Variants in LRCH1 observed in about 807,000 individuals in gnomAD.
The protein encoded by LRCH1 is leucine-rich repeat and calponin homology domain-containing protein 1.
LRCH1 carries 23 observed loss-of-function variants against 94.9 expected under a neutral mutation model. That is an observed-to-expected ratio of 0.24 (90% CI 0.17 to 0.34). The LOEUF is 0.34. LRCH1 is among the 10% of genes least tolerant of loss of function. LRCH1 has a pLI of 1.00. For missense variants in LRCH1, 790 were observed against 945.9 expected (o/e 0.84, Z 2.16); for synonymous variants, 364 against 354.9 (o/e 1.03, Z -0.29).
intron 1 of LRCH1, among the ~76,000 whole-genome samples, chr13:46,563,325 C>T (rs950197663): frequency 6.6e-6 from 1 of 151,972 alleles, no homozygotes. Flanking sequence ...AGCCTTTCAG[C>T]CCTTAGCCAA....
chr13:46,612,689 TTTA>T (rs1330415581), intron 1 of LRCH1, among the ~76,000 whole-genome samples: 2 of 152,210 alleles, frequency 1.3e-5, no homozygotes, highest in African/African-American at 2.4e-5. Context: ...AATGAGTTTG[TTTA>T]TGAGTTTTCA....
chr13:46,705,425 A>T (rs753688105), intron 13 of LRCH1, 121 bp downstream of exon 13: 1 of 920,688 alleles, frequency 1.1e-6, no homozygotes, highest in African/African-American at 1.6e-5. Flanking sequence ...GCCAATATTC[A>T]GATTTGTTCA....
chr13:46,588,419 ACTTT>A (rs1463972634), intron 1 of LRCH1, among the ~76,000 whole-genome samples: 4 of 152,122 alleles, frequency 2.6e-5, no homozygotes, highest in African/African-American at 9.6e-5. Context: ...AGATGTACTT[ACTTT>A]CTTTTTATAT....
chr13:46,694,567 T>C (rs947744824), intron 8 of LRCH1, among the ~76,000 whole-genome samples: 6 of 152,344 alleles, frequency 3.9e-5, no homozygotes, highest in Admixed American at 6.5e-5. Flanking sequence ...ATGAAATACA[T>C]AGTAACATAT....
chr13:46,752,459 T>C (rs1874180822), exon 19 of LRCH1: 1 of 152,226 alleles, frequency 6.6e-6, no homozygotes, highest in South Asian at 2.1e-4. Flanking sequence ...AAAACGGAAA[T>C]TTGGATTGGC....
At position 46,595,112 on chromosome 13, in the gene LRCH1, A is replaced by C. The variant is rs539881969; in HGVS notation, c.307+41409A>C. 4.6e-5 allele frequency among the ~76,000 whole-genome samples: 7 copies of C among 152,300 alleles called. No homozygotes were observed. The East Asian group carries it at 1.3e-3, about 29-fold the overall frequency. ...TTTTTGCCCTGGTCACTTTAGGTTTAATTTTATTCCATTCCTGGTCATTTA... is the reference window on the plus strand; with the variant it reads ...TTTTTGCCCTGGTCACTTTAGGTTTCATTTTATTCCATTCCTGGTCATTTA... On this transcript the variant is annotated intron_variant, in intron 1 of 19. Transcript: ENST00000389797.
intron 1 of LRCH1, among the ~76,000 whole-genome samples, chr13:46,607,356 G>A (rs1178980585): frequency 1.3e-5 from 2 of 152,226 alleles, no homozygotes; most frequent in South Asian, 2.1e-4. Flanking sequence ...TGTGAGTACT[G>A]TCAAAGAGAG....
At chr13:46,664,803 GTC>G (rs2051494701) in intron 2 of LRCH1, among the ~76,000 whole-genome samples, 1 of 152,078 alleles carries the variant, frequency 6.6e-6, no homozygotes, top group Admixed American at 6.6e-5. Flanking sequence ...AGGTCTTATT[GTC>G]TCTGTTTTAT....
chr13:46,585,402 C>G (rs981153966), intron 1 of LRCH1, among the ~76,000 whole-genome samples: 1 of 151,974 alleles, frequency 6.6e-6, no homozygotes, highest in African/African-American at 2.4e-5. Flanking sequence ...ACGGTGAAAC[C>G]ACGTCTCTAC....
chr13:46,628,675 A>AAG (rs1555275121), intron 1 of LRCH1, among the ~76,000 whole-genome samples: 3 of 151,698 alleles, frequency 2.0e-5, no homozygotes, highest in Non-Finnish European at 4.4e-5. Flanking sequence ...AAAAAAAAAA[A>AAG]AAAACACAAG....
chr13:46,655,286 A>C (rs1005834735), intron 2 of LRCH1, among the ~76,000 whole-genome samples: 23 of 152,258 alleles, frequency 1.5e-4, no homozygotes, highest in African/African-American at 5.5e-4. Flanking sequence ...AGATAAATTT[A>C]ATTAGCACAT....
intron 3 of LRCH1, among the ~76,000 whole-genome samples, chr13:46,680,740 G>A (rs1462307096): frequency 1.3e-5 from 2 of 152,210 alleles, no homozygotes; most frequent in African/African-American, 4.8e-5. Context: ...ATAGATACTG[G>A]CCTTACTGCC....
chr13:46,647,192 G>T (rs572805625), intron 1 of LRCH1, among the ~76,000 whole-genome samples: 1 of 151,724 alleles, frequency 6.6e-6, no homozygotes, highest in South Asian at 2.1e-4. Flanking sequence ...GAGAAAGACT[G>T]CTAGGTTAAA....
intron 1 of LRCH1, among the ~76,000 whole-genome samples, chr13:46,561,262 T>A (rs1166080183): frequency 6.6e-6 from 1 of 152,108 alleles, no homozygotes; most frequent in Non-Finnish European, 1.5e-5. Context: ...CGGGGACAGG[T>A]TATTTGATTT....
At chr13:46,589,459 C>T (rs947980832) in intron 1 of LRCH1, among the ~76,000 whole-genome samples, 1 of 152,064 alleles carries the variant, frequency 6.6e-6, no homozygotes, top group Admixed American at 6.5e-5. Flanking sequence ...TTAAATTTAT[C>T]TAGTTGTCTC....
intron 4 of LRCH1, among the ~76,000 whole-genome samples, chr13:46,684,639 T>TA (rs1870512535): frequency 6.6e-6 from 1 of 152,214 alleles, no homozygotes; most frequent in South Asian, 2.1e-4. Context: ...TCATAATTCT[T>TA]ATCATCTTAC....
chr13:46,581,344 G>C (rs2050362729), intron 1 of LRCH1, among the ~76,000 whole-genome samples: 1 of 152,182 alleles, frequency 6.6e-6, no homozygotes, highest in East Asian at 1.9e-4. Flanking sequence ...TTCAAGTGAG[G>C]CTAGGTGGGA....
Position 46,692,571 on chromosome 13 carries a change from A to G in LRCH1, c.1050A>G (p.Pro350=), listed in dbSNP as rs1394716910. ...SDEDTVSLNV[P]MSNIMEEEQI... ...AAGACACTGTTAGCCTCAATGTGCC[A>G]ATGTCAAACATCATGGAAGAAGAAC... The change falls in exon 8 of 20, where the codon CCA becomes CCG. Residue 350 remains proline, a synonymous_variant. Coordinates refer to ENST00000389797, the MANE Select transcript of LRCH1 (RefSeq NM_001164211.2). 6.2e-7 allele frequency: 1 copy of G among 1,614,094 alleles called. No homozygotes were observed. Among genetic ancestry groups the G allele is most frequent in the Admixed American group, 1.7e-5 (1 of 60,022 alleles).
At chr13:46,613,881 A>AAAAACATTAGCCGGTTATTTT (rs2050775100) in intron 1 of LRCH1, among the ~76,000 whole-genome samples, 1 of 152,200 alleles carries the variant, frequency 6.6e-6, no homozygotes, top group Non-Finnish European at 1.5e-5. Flanking sequence ...TTCCGACATT[A>AAAAACATTAGCCGGTTATTTT]AAAACATTAG....
Sources: gnomAD v4.1 joint callset for allele counts (sites outside exome capture counted in the v4.1 genomes callset) on GRCh38, gnomAD v4.1.1 for gene constraint, MANE v1.5 for transcripts, NCBI Gene and HGNC (gene_info 2026-07-23, HGNC 2026-07-21) for gene names.